CDK17: variants seen among roughly 807,000 people sequenced by gnomAD.
CDK17 encodes cyclin-dependent kinase 17.
Under a neutral mutation model 77.6 loss-of-function variants are expected in CDK17, and 24 were observed. The ratio of observed to expected loss-of-function variants is 0.31; its 90% CI spans 0.22 to 0.44. The LOEUF is 0.44. CDK17 is among the 20% of genes least tolerant of loss of function. The probability of loss-of-function intolerance (pLI) is 1.00; values close to 1 mark genes in which losing one functional copy is unlikely to be tolerated. For synonymous variants in CDK17, 203 were observed against 210.4 expected (o/e 0.96, Z 0.30); for missense variants, 429 against 622.5 (o/e 0.69, Z 3.31).
chr12:96,288,284 T>C (rs1164330632), intron 11 of CDK17, among the ~76,000 whole-genome samples: 1 of 152,148 alleles, frequency 6.6e-6, no homozygotes, highest in East Asian at 1.9e-4. Context: ...ATATGACTTA[T>C]TACCACATGA....
chr12:96,394,536 C>T (rs940640366), intron 1 of CDK17, among the ~76,000 whole-genome samples: 1 of 151,986 alleles, frequency 6.6e-6, no homozygotes, highest in Non-Finnish European at 1.5e-5. Context: ...TAGAGAAGCA[C>T]GGGTACGGTG....
rs1470154352 is a variant in CDK17 at position 96,286,644 on chromosome 12, GAA to G, written c.1216+18_1216+19del. The G allele has an allele frequency of 6.3e-7, 1 of 1,576,758 alleles. No homozygotes were observed. Among genetic ancestry groups the G allele is most frequent in the African/African-American group, 1.3e-5 (1 of 74,256 alleles). On this transcript the variant is annotated intron_variant, in intron 12 of 16. Transcript: ENST00000261211. ...TCAATTATGGGTGCAAAATCACTGGGAAAAGATTTCTTCTGTTACCTAGCAGT... is the reference window on the plus strand; with the variant it reads ...TCAATTATGGGTGCAAAATCACTGGGAAGATTTCTTCTGTTACCTAGCAGT...
chr12:96,309,897 A>G (rs149705280), intron 5 of CDK17, among the ~76,000 whole-genome samples: 219 of 152,342 alleles, frequency 1.4e-3, no homozygotes, highest in African/African-American at 5.1e-3. Flanking sequence ...TGATATACGT[A>G]TAAGTTGGTA....
intron 1 of CDK17, among the ~76,000 whole-genome samples, chr12:96,384,577 T>TA (rs1210745177): frequency 6.6e-6 from 1 of 152,032 alleles, no homozygotes; most frequent in African/African-American, 2.4e-5. Flanking sequence ...TGTATAGCCA[T>TA]AAAAAAAGAA....
intron 1 of CDK17, among the ~76,000 whole-genome samples, chr12:96,379,372 A>G (rs1428241932): frequency 6.6e-6 from 1 of 152,192 alleles, no homozygotes; most frequent in South Asian, 2.1e-4. Context: ...TGATTATAAG[A>G]TATGCTGATA....
chr12:96,388,401 C>T (rs571002473), intron 1 of CDK17, among the ~76,000 whole-genome samples: 1 of 152,294 alleles, frequency 6.6e-6, no homozygotes, highest in East Asian at 1.9e-4. Context: ...GCCACCTCCA[C>T]CCCCAAACAT....
chr12:96,322,791 T>G (rs1337423281), intron 3 of CDK17, among the ~76,000 whole-genome samples: 1 of 152,238 alleles, frequency 6.6e-6, no homozygotes, highest in Non-Finnish European at 1.5e-5. Context: ...AGTTTACCTA[T>G]TTGTAAACTT....
At chr12:96,328,170 T>G (rs917924034) in intron 2 of CDK17, among the ~76,000 whole-genome samples, 1 of 152,268 alleles carries the variant, frequency 6.6e-6, no homozygotes, top group African/African-American at 2.4e-5. Flanking sequence ...GCGAGGGATC[T>G]AGGTTGCATG....
intron 1 of CDK17, among the ~76,000 whole-genome samples, chr12:96,358,070 A>G (rs1953428220): frequency 6.6e-6 from 1 of 152,188 alleles, no homozygotes; most frequent in Non-Finnish European, 1.5e-5. Flanking sequence ...GAAGTCCCAG[A>G]AGACTACATT....
At chr12:96,289,077 C>G (rs931906729) in intron 11 of CDK17, 90 bp downstream of exon 11, 20 of 1,355,642 alleles carry the variant, frequency 1.5e-5, no homozygotes, top group South Asian at 2.5e-5. Flanking sequence ...AATAATATCT[C>G]CTTAAAAGTA....
chr12:96,291,628 CTTTTTTTTTTT>C (rs1164677307), intron 10 of CDK17, among the ~76,000 whole-genome samples: 1 of 117,776 alleles, frequency 8.5e-6, no homozygotes, highest in Non-Finnish European at 1.8e-5. Flanking sequence ...ATTCCTTTTG[CTTTTTTTTTTT>C]TTTTTTTTTG....
intron 1 of CDK17, among the ~76,000 whole-genome samples, chr12:96,337,608 C>A (rs1265333955): frequency 2.0e-5 from 3 of 152,102 alleles, no homozygotes; most frequent in Admixed American, 6.6e-5. Context: ...AATTAAGAAA[C>A]CTGTTAATTG....
intron 1 of CDK17, among the ~76,000 whole-genome samples, chr12:96,356,466 T>G (rs1238728954): frequency 6.6e-6 from 1 of 152,122 alleles, no homozygotes. Context: ...CTAGCTAATA[T>G]TTGTTTTTGT....
intron 3 of CDK17, among the ~76,000 whole-genome samples, chr12:96,320,216 AAG>A (rs1349878752): frequency 6.7e-6 from 1 of 149,454 alleles, no homozygotes; most frequent in African/African-American, 2.5e-5. Context: ...AATTGCTTCA[AAG>A]AGAATAAAAT....
chr12:96,398,850 A>C (rs570468465), intron 1 of CDK17, among the ~76,000 whole-genome samples: 33 of 152,310 alleles, frequency 2.2e-4, no homozygotes, highest in African/African-American at 7.9e-4. Context: ...AACATGACCA[A>C]CGAGGTGTCT....
chr12:96,279,376 A>C lies in CDK17; in HGVS notation c.*866T>G, dbSNP rs1952144289. The C allele has an allele frequency of 6.6e-6, 1 of 152,104 alleles. No homozygotes were observed. The highest frequency in any genetic ancestry group is 6.5e-5 in the Admixed American group (1 of 15,290). 9.4% of individuals were successfully genotyped at this position (152,104 alleles called of 1,614,324 possible). The stretch of plus-strand genomic sequence containing the variant: ...AAATATCATCCTTTCTAATAAAATA[A>C]ATGTATTTAAAACAAACAAAGCAAG... On this transcript the variant is annotated 3_prime_UTR_variant, in exon 17 of 17. Transcript: ENST00000261211.
At chr12:96,373,748 T>C (rs1187721835) in intron 1 of CDK17, among the ~76,000 whole-genome samples, 1 of 151,934 alleles carries the variant, frequency 6.6e-6, no homozygotes, top group Admixed American at 6.5e-5. Context: ...GGTGAAACCC[T>C]GTCTCTACTA....
intron 1 of CDK17, among the ~76,000 whole-genome samples, chr12:96,343,541 A>C (rs533253772): frequency 1.3e-5 from 2 of 152,356 alleles, no homozygotes; most frequent in Non-Finnish European, 2.9e-5. Flanking sequence ...GCGCACCTGC[A>C]TCTACTGGAA....
chr12:96,383,897 A>G (rs1195996034), intron 1 of CDK17, among the ~76,000 whole-genome samples: 3 of 152,222 alleles, frequency 2.0e-5, no homozygotes, highest in African/African-American at 7.2e-5. Flanking sequence ...CAAAGAAAAC[A>G]AAAATTGACA....
Sources: gnomAD v4.1 joint callset for allele counts (sites outside exome capture counted in the v4.1 genomes callset) on GRCh38, gnomAD v4.1.1 for gene constraint, MANE v1.5 for transcripts, NCBI Gene and HGNC (gene_info 2026-07-23, HGNC 2026-07-21) for gene names.